The following WNT5A variants were observed in gnomAD, a reference collection of about 807,000 sequenced individuals.
The protein encoded by WNT5A is protein Wnt-5a.
Under a neutral mutation model 42.1 loss-of-function variants are expected in WNT5A, and 9 were observed. The observed-to-expected ratio is 0.21, with a 90% CI of 0.13 to 0.37. The LOEUF is 0.37. WNT5A is among the 10% of genes least tolerant of loss of function. The pLI, the probability that WNT5A is intolerant of heterozygous loss-of-function variation, is 1.00. For synonymous variants in WNT5A, 210 were observed against 210.0 expected, an observed-to-expected ratio of 1.00 and a Z score of 0.00; for missense variants, 426 against 534.0, an observed-to-expected ratio of 0.80 and a Z score of 1.99.
In WNT5A at chr3:55,483,330, C is replaced by T. The variant is rs1028589680; in HGVS notation, c.7-2412G>A. Among the ~76,000 whole-genome samples the T allele has an allele frequency of 1.3e-5, 2 of 152,104 alleles. No individual in the cohort carries two copies. The highest frequency in any genetic ancestry group is 2.9e-5 in the Non-Finnish European group (2 of 68,018). The stretch of plus-strand genomic sequence containing the variant: ...GCCGCTTGCCCGGAAACACCTTGGC[C>T]CTCTTCCCTCTTCAATCCCAGTGCA... On this transcript the variant is annotated intron_variant, in intron 1 of 4. Transcript: ENST00000264634. This position sits in a 1 kb window ranked among gnomAD's most constrained non-coding sequence, Gnocchi z 4.2.
chr3:55,481,179 G>A, intron 1 of WNT5A: 1 of 671,238 alleles, frequency 1.5e-6, no homozygotes, highest in Non-Finnish European at 2.0e-6. Context: ...TCTCAATTCT[G>A]TTGAGTCAAA....
chr3:55,482,038 A>G (rs1279865231), intron 1 of WNT5A, among the ~76,000 whole-genome samples: 1 of 152,136 alleles, frequency 6.6e-6, no homozygotes, highest in East Asian at 1.9e-4. Context: ...GAACTCTGCC[A>G]CCCTGCCTCC....
rs1433104792 is a variant in WNT5A at position 55,468,505 on chromosome 3, A to C, written c.*1587T>G. On this transcript the variant is annotated 3_prime_UTR_variant, in exon 5 of 5. Transcript: ENST00000264634. ...CACAGCAGGGCCACAGCCCAAGCTC[A>C]AGACTCAAAAAACTTTTGGAATAAT... The C allele has an allele frequency of 6.6e-6, 1 of 152,192 alleles. No homozygotes were observed. Among genetic ancestry groups the C allele is most frequent in the South Asian group, 2.1e-4 (1 of 4,834 alleles). 9.4% of individuals were successfully genotyped at this position (152,192 alleles called of 1,614,324 possible).
chr3:55,498,195 T>A, the WNT5A span, among the ~76,000 whole-genome samples: 2 of 152,204 alleles, frequency 1.3e-5, no homozygotes, highest in African/African-American at 4.8e-5. Context: ...CTGTTCATCA[T>A]GGAGTTTTCA....
chr3:55,497,721 T>C, the WNT5A span, among the ~76,000 whole-genome samples: 39 of 152,238 alleles, frequency 2.6e-4, no homozygotes, highest in Non-Finnish European at 4.1e-4. Context: ...CAAGGTCACA[T>C]AGGCAGAATT....
intron 2 of WNT5A, among the ~76,000 whole-genome samples, chr3:55,480,025 G>C (rs2051428908): frequency 6.6e-6 from 1 of 152,112 alleles, no homozygotes; most frequent in South Asian, 2.1e-4. Context: ...TGGAAGAACA[G>C]AGGGACAAGT....
At position 55,474,558 on chromosome 3, in the gene WNT5A, G is replaced by T; in HGVS notation, c.463C>A (p.Arg155Ser). The change falls in exon 4 of 5, where the codon CGC (arginine) becomes AGC (serine). Residue 155 changes from arginine to serine, a missense_variant. Coordinates refer to ENST00000264634, the MANE Select transcript of WNT5A (RefSeq NM_003392.7). ...GVVNAMSRACREGELSTCGCS... is the reference protein window; with the variant it reads ...GVVNAMSRACSEGELSTCGCS... ...CCGCAGGTGGACAGCTCGCCCTCGC[G>T]GCACGCCCGGCTCATGGCGTTCACC... 5.3e-6 allele frequency: 8 copies of T among 1,518,350 alleles called. No homozygotes were observed. The highest frequency in any genetic ancestry group is 1.3e-5 in the South Asian group (1 of 77,754). 94.1% of individuals were successfully genotyped at this position (1,518,350 alleles called of 1,614,324 possible). A position where few individuals can be genotyped will look rare whatever the true frequency, so the allele number is the denominator to read the frequency against.
chr3:55,466,109 T>A lies in WNT5A; in HGVS notation c.*3983A>T, dbSNP rs2051138203. 6.6e-6 allele frequency: 1 copy of A among 152,298 alleles called. No individual in the cohort carries two copies. Among genetic ancestry groups the A allele is most frequent in the Non-Finnish European group, 1.5e-5 (1 of 68,028 alleles). The allele number at this position is 152,298 out of a possible 1,614,324, so 9.4% of individuals were successfully genotyped here. ...TTTCTTGAATTAAAAATTCATTTCA[T>A]CATCTTACTTTCAAAACACGGCATC... On this transcript the variant is annotated 3_prime_UTR_variant, in exon 5 of 5. Coordinates refer to ENST00000264634, the MANE Select transcript of WNT5A (RefSeq NM_003392.7).
chr3:55,472,220 T>C (rs576559953), intron 4 of WNT5A, among the ~76,000 whole-genome samples: 1 of 152,162 alleles, frequency 6.6e-6, no homozygotes, highest in East Asian at 1.9e-4. Context: ...AATGCAGAAG[T>C]GTAACATTAT....
At chr3:55,492,813 T>A (rs1478317522), upstream of WNT5A, among the ~76,000 whole-genome samples, 1 of 152,236 alleles carries the variant, frequency 6.6e-6, no homozygotes, top group Non-Finnish European at 1.5e-5. Flanking sequence ...AGATAGATCG[T>A]ATTATTATCT....
At chr3:55,488,329 A>T (rs1389163717), upstream of WNT5A, 2 of 47,126 alleles carry the variant, frequency 4.2e-5, no homozygotes, top group African/African-American at 1.6e-4. Flanking sequence ...CCCCCCTCCC[A>T]CCCCCCAGCC....
Position 55,474,222 on chromosome 3 carries a change from C to G in WNT5A, c.684+115G>C, listed in dbSNP as rs999204820. On this transcript the variant is annotated intron_variant, in intron 4 of 4. Coordinates refer to ENST00000264634, the MANE Select transcript of WNT5A (RefSeq NM_003392.7). Reference sequence around the variant, plus strand: ...AGAAGCAGAGAGATAGAGACAGGACCATATAGCAAAGGAGTGGCAGAGGAG... The same window carrying G: ...AGAAGCAGAGAGATAGAGACAGGACGATATAGCAAAGGAGTGGCAGAGGAG... 3.1e-6 allele frequency: 4 copies of G among 1,309,962 alleles called. No homozygotes were observed. In the African/African-American group the frequency reaches 5.8e-5, roughly 19 times the overall value. 81.1% of individuals were successfully genotyped at this position (1,309,962 alleles called of 1,614,324 possible).
Position 55,470,464 on chromosome 3 carries a change from T to A in WNT5A, c.771A>T (p.Ala257=). ...GGGCATCACCCACCTTGCGGAAGTCTGCCAGCTGCAGCCAGCATGTCTTCA... is the reference window on the plus strand; with the variant it reads ...GGGCATCACCCACCTTGCGGAAGTCAGCCAGCTGCAGCCAGCATGTCTTCA... ...CSLKTCWLQL[A]DFRKVGDALK... The change falls in exon 5 of 5, where the codon GCA becomes GCT. Residue 257 remains alanine (A), a synonymous_variant. Transcript: ENST00000264634. 1 of 1,609,800 alleles carries A rather than the reference T, an allele frequency of 6.2e-7. No homozygotes were observed. Among genetic ancestry groups the A allele is most frequent in the East Asian group, 2.2e-5 (1 of 44,720 alleles).
intron 1 of WNT5A, among the ~76,000 whole-genome samples, chr3:55,482,219 G>A (rs1028919810): frequency 1.3e-5 from 2 of 152,246 alleles, no homozygotes; most frequent in Admixed American, 6.5e-5. Flanking sequence ...CAGCGGCGAA[G>A]GTTCCCTTCC....
At position 55,466,579 on chromosome 3, in the gene WNT5A, A is replaced by T. The variant is rs929678971; in HGVS notation, c.*3513T>A. 4 of 152,486 alleles carry T rather than the reference A, an allele frequency of 2.6e-5. No individual in the cohort carries two copies. Among genetic ancestry groups the T allele is most frequent in the Admixed American group, 1.3e-4 (2 of 15,288 alleles). The allele number at this position is 152,486 out of a possible 1,614,324, so 9.4% of individuals were successfully genotyped here. A position where few individuals can be genotyped will look rare whatever the true frequency, so the allele number is the denominator to read the frequency against. ...CAACAGATAAACTGGATTAAAACTT[A>T]AAAGTCTTCTTTCTATTTGAGCCCA... is the stretch of plus-strand genomic sequence containing the variant. On this transcript the variant is annotated 3_prime_UTR_variant, in exon 5 of 5. Transcript: ENST00000264634.
intron 1 of WNT5A, among the ~76,000 whole-genome samples, chr3:55,484,685 T>TACACATAC (rs1486353062): frequency 7.3e-6 from 1 of 137,896 alleles, no homozygotes; most frequent in Admixed American, 7.4e-5. Context: ...GGCCCCAGGA[T>TACACATAC]ACACACACAC....
intron 3 of WNT5A, among the ~76,000 whole-genome samples, chr3:55,475,438 G>C (rs1471284843): frequency 6.6e-6 from 1 of 152,168 alleles, no homozygotes; most frequent in Non-Finnish European, 1.5e-5. Flanking sequence ...TCATGCAGCA[G>C]AAAGTATTTC....
In WNT5A at chr3:55,470,112, C is replaced by T. The variant is rs763566950; in HGVS notation, c.1123G>A (p.Asp375Asn). Residue 375 changes from aspartate (D) to asparagine (N), a missense_variant, in exon 5 of 5, where the codon GAC becomes AAC. Transcript: ENST00000264634. ...ACCCACTACTTGCACACAAACTGGT[C>T]CACGATCTCCGTGCACTTCTTGCAC... ...VKCKKCTEIV[D>N]QFVCK 1.8e-5 allele frequency: 29 copies of T among 1,613,968 alleles called. No individual in the cohort carries two copies. Among genetic ancestry groups the T allele is most frequent in the African/African-American group, 1.7e-4 (13 of 74,942 alleles).
intron 3 of WNT5A, among the ~76,000 whole-genome samples, chr3:55,477,588 A>C (rs1394542033): frequency 6.6e-6 from 1 of 152,192 alleles, no homozygotes; most frequent in Non-Finnish European, 1.5e-5. Flanking sequence ...CATACTTTCC[A>C]GGGACAATTA....
Sources: allele counts gnomAD v4.1 joint callset (sites outside exome capture counted in the v4.1 genomes callset), GRCh38; gene constraint gnomAD v4.1.1; non-coding constraint Gnocchi (gnomAD v3.1); transcripts MANE v1.5; gene names NCBI Gene and HGNC (gene_info 2026-07-23, HGNC 2026-07-21).